The following DCHS2 variants were observed in gnomAD, a reference collection of about 807,000 sequenced individuals.
DCHS2 encodes the protein protocadherin-23.
A neutral mutation model predicts 182.4 loss-of-function variants in DCHS2; 142 were observed. The observed-to-expected ratio is 0.78, with a 90% CI of 0.68 to 0.89. The LOEUF (loss-of-function observed/expected upper bound fraction) is 0.89, where lower values mean the gene tolerates loss of function less well. Ranked by LOEUF, DCHS2 falls within the 40% of genes least tolerant of loss-of-function variation. The pLI is 0.00. For synonymous variants in DCHS2, 1,740 were observed against 1,663.3 expected, an observed-to-expected ratio of 1.05 and a Z score of -1.12; for missense variants, 4,319 against 4,198.6, an observed-to-expected ratio of 1.03 and a Z score of -0.79.
At chr4:154,411,271 G>A (rs536988412) in intron 1 of DCHS2, among the ~76,000 whole-genome samples, 38 of 151,912 alleles carry the variant, frequency 2.5e-4, no homozygotes, top group Non-Finnish European at 3.7e-4. Flanking sequence ...AGGAGATGTA[G>A]GTCAAAGAAT....
At chr4:154,477,991 C>T (rs1212368123) in intron 1 of DCHS2, among the ~76,000 whole-genome samples, 1 of 152,120 alleles carries the variant, frequency 6.6e-6, no homozygotes, top group Non-Finnish European at 1.5e-5. Context: ...CACAATTATT[C>T]AATTAAAATT....
At chr4:154,281,914 G>T (rs1734166669) in intron 13 of DCHS2, among the ~76,000 whole-genome samples, 1 of 152,034 alleles carries the variant, frequency 6.6e-6, no homozygotes, top group South Asian at 2.1e-4. Context: ...GGGTGCCAAG[G>T]TTACATAATA....
rs1054955571 is a variant in DCHS2, at chr4:154,232,484, GTAAT to G, written c.*2048_*2051del. On this transcript the variant is annotated 3_prime_UTR_variant, in exon 20 of 20. Coordinates refer to ENST00000357232, the MANE Select transcript of DCHS2 (RefSeq NM_001358235.2). The stretch of plus-strand genomic sequence containing the variant: ...ATCCATAATGAGTAAATAAATCACA[GTAAT>G]AAATAACTAACTTAGGGAATAGGTA... 6.6e-6 allele frequency: 1 copy of G among 152,058 alleles called. No homozygotes were observed. The highest frequency in any genetic ancestry group is 1.5e-5 in the Non-Finnish European group (1 of 67,994). 9.4% of individuals were successfully genotyped at this position (152,058 alleles called of 1,614,324 possible).
At chr4:154,427,559 T>C (rs576765937) in intron 1 of DCHS2, among the ~76,000 whole-genome samples, 16 of 152,380 alleles carry the variant, frequency 1.1e-4, no homozygotes, top group African/African-American at 3.8e-4. Context: ...CTTTGCTCAA[T>C]TAACTCTGTT....
chr4:154,238,669 A>G (rs1053614137), intron 19 of DCHS2, among the ~76,000 whole-genome samples: 4 of 152,220 alleles, frequency 2.6e-5, no homozygotes, highest in African/African-American at 9.6e-5. Flanking sequence ...AGTGGTTTCC[A>G]GTTGGTAGAG....
chr4:154,358,205 T>C (rs532610036), intron 3 of DCHS2, among the ~76,000 whole-genome samples: 1 of 152,322 alleles, frequency 6.6e-6, no homozygotes, highest in South Asian at 2.1e-4. Context: ...TAATAATTTC[T>C]ATCTTCATGT....
At chr4:154,326,665 T>C (rs1736296699) in intron 7 of DCHS2, among the ~76,000 whole-genome samples, 1 of 152,182 alleles carries the variant, frequency 6.6e-6, no homozygotes, top group Non-Finnish European at 1.5e-5. Flanking sequence ...ATAGTCCATC[T>C]TTTCCCCATT....
At chr4:154,383,204 G>A (rs974546503) in intron 1 of DCHS2, among the ~76,000 whole-genome samples, 3 of 152,162 alleles carry the variant, frequency 2.0e-5, no homozygotes, top group African/African-American at 7.2e-5. Context: ...AATGCAGCTG[G>A]CTGCCATTAT....
chr4:154,439,645 TACTGTCATTTTCTTTTTA>T (rs1489461097), intron 1 of DCHS2, among the ~76,000 whole-genome samples: 1 of 152,208 alleles, frequency 6.6e-6, no homozygotes, highest in East Asian at 1.9e-4. Flanking sequence ...ATGCATTCCA[TACTGTCATTTTCTTTTTA>T]ACTTTGTGCT....
At chr4:154,476,667 T>C (rs984863941) in intron 1 of DCHS2, among the ~76,000 whole-genome samples, 9 of 152,296 alleles carry the variant, frequency 5.9e-5, no homozygotes, top group African/African-American at 2.2e-4. Context: ...CACTCAGCAG[T>C]AGGCAAGATG....
intron 14 of DCHS2, among the ~76,000 whole-genome samples, chr4:154,263,329 C>A (rs144644279): frequency 7.9e-5 from 12 of 151,736 alleles, no homozygotes; most frequent in Admixed American, 3.3e-4. Context: ...CTTGACCAAT[C>A]TTCATGATAA....
chr4:154,304,587 C>T, intron 12 of DCHS2, 82 bp downstream of exon 12: 2 of 1,341,354 alleles, frequency 1.5e-6, no homozygotes, highest in Non-Finnish European at 2.0e-6. Flanking sequence ...AGCCATCGCG[C>T]CACTGCACTC....
chr4:154,412,685 T>C (rs974183078), intron 1 of DCHS2, among the ~76,000 whole-genome samples: 3 of 152,196 alleles, frequency 2.0e-5, no homozygotes, highest in African/African-American at 7.2e-5. Flanking sequence ...AATCCCTTCT[T>C]CTAAGCTTTT....
intron 1 of DCHS2, chr4:154,384,499 A>G (rs1485020010): frequency 3.8e-6 from 6 of 1,561,330 alleles, no homozygotes; most frequent in East Asian, 2.4e-5. Flanking sequence ...CTGGCCTCCA[A>G]AAAACCTCTG....
chr4:154,451,907 TGAA>T (rs1028798523), intron 1 of DCHS2, among the ~76,000 whole-genome samples: 17 of 152,196 alleles, frequency 1.1e-4, no homozygotes, highest in African/African-American at 4.1e-4. Flanking sequence ...CAAAAATACT[TGAA>T]GATAATTGTG....
intron 1 of DCHS2, among the ~76,000 whole-genome samples, chr4:154,388,320 AAAAG>A (rs1731508216): frequency 6.6e-6 from 1 of 152,100 alleles, no homozygotes; most frequent in Admixed American, 6.6e-5. Context: ...TGAGTAAAAA[AAAAG>A]AAAGGTAACT....
intron 1 of DCHS2, among the ~76,000 whole-genome samples, chr4:154,399,122 T>C (rs4475132): frequency 0.9 from 137,753 of 152,224 alleles, 63,733 homozygotes; most frequent in South Asian, 1. Context: ...TCTGGGAGAA[T>C]TGGAAACAGA....
chr4:154,333,289 A>C lies in DCHS2; in HGVS notation c.2919T>G (p.Asn973Lys), dbSNP rs1728577692. ...TEVNITVMDV[N>K]DNHPAFLRTS... ...TCCTGAGGAACGCTGGGTGGTTGTC[A>C]TTGACATCCATGACTGTTATGTTGA... is the stretch of plus-strand genomic sequence containing the variant. The change falls in exon 5 of 20, where the codon AAT becomes AAG. Residue 973 changes from asparagine (N) to lysine (K), a missense_variant. Transcript: ENST00000357232. 1 of 1,614,092 alleles carries C rather than the reference A, an allele frequency of 6.2e-7. No individual in the cohort carries two copies. The highest frequency in any genetic ancestry group is 1.3e-5 in the African/African-American group (1 of 74,936).
At chr4:154,255,696 G>T (rs776921541) in intron 15 of DCHS2, 26 bp from the exon 16 acceptor site, 1 of 1,607,352 alleles carries the variant, frequency 6.2e-7, no homozygotes, top group Non-Finnish European at 8.5e-7. Flanking sequence ...TGTTTCATTA[G>T]ATAAGATTTA....
Sources: allele counts gnomAD v4.1 joint callset (sites outside exome capture counted in the v4.1 genomes callset), GRCh38; gene constraint gnomAD v4.1.1; transcripts MANE v1.5; gene names NCBI Gene and HGNC (gene_info 2026-07-23, HGNC 2026-07-21).